The following C1QL1 variants were observed in gnomAD, a reference collection of about 807,000 sequenced individuals.
The protein encoded by C1QL1 is complement C1q like 1, also known as C1q-related factor.
A neutral mutation model predicts 14.2 loss-of-function variants in C1QL1; 15 were observed. The ratio of observed to expected loss-of-function variants is 1.06; its 90% CI spans 0.71 to 1.62. The LOEUF is 1.62. C1QL1 is among the 40% of genes most tolerant of loss of function. The probability of loss-of-function intolerance (pLI) is 0.00; values close to 1 mark genes in which losing one functional copy is unlikely to be tolerated. For missense variants in C1QL1, 346 were observed against 380.3 expected (o/e 0.91, Z 0.75); for synonymous variants, 172 against 172.4 (o/e 1.00, Z 0.02).
chr17:44,963,348 T>TAA lies in C1QL1; in HGVS notation c.598-2982_598-2981insTT, dbSNP rs537549179. On this transcript the variant is annotated intron_variant, in intron 1 of 1. Coordinates refer to ENST00000253407, the MANE Select transcript of C1QL1 (RefSeq NM_006688.5). The stretch of plus-strand genomic sequence containing the variant: ...CTGTGCCAGGCACTGTGCTCTGTGT[T>TAA]GTGAAAGGTATTAGGGGCCAGAAAG... Among the ~76,000 whole-genome samples, 909 of 152,214 alleles carry TAA rather than the reference T, an allele frequency of 6.0e-3. 7 individuals carry two copies. The highest frequency in any genetic ancestry group is 0.021 in the African/African-American group (877 of 41,530).
intron 1 of C1QL1, among the ~76,000 whole-genome samples, chr17:44,961,615 G>A (rs1313655185): frequency 6.0e-5 from 9 of 149,154 alleles, no homozygotes; most frequent in East Asian, 2.0e-4. Context: ...GGCCAGGCGC[G>A]GTGGCTCACG....
rs1299050000 is a variant in C1QL1, at chr17:44,961,581, G to A, written c.598-1214C>T. ...CGCTCCAGCCTGGGCGACATAGTGA[G>A]ACTCAGTCTCAAAAAAAAAAAAAGG... On this transcript the variant is annotated intron_variant, in intron 1 of 1. Transcript: ENST00000253407. Among the ~76,000 whole-genome samples the A allele has an allele frequency of 5.2e-4, 63 of 120,526 alleles. 1 individual carries two copies. The South Asian group carries it at 0.017, about 32-fold the overall frequency. The allele number at this position is 120,526 out of a possible 152,430, so 79.1% of individuals were successfully genotyped here.
At chr17:44,964,961 C>A (rs887187666) in intron 1 of C1QL1, among the ~76,000 whole-genome samples, 1 of 152,004 alleles carries the variant, frequency 6.6e-6, no homozygotes, top group Admixed American at 6.6e-5. Flanking sequence ...TTGCCTCAGC[C>A]TCCTGACTAA....
chr17:44,966,437 G>A (rs932162316), intron 1 of C1QL1, among the ~76,000 whole-genome samples: 9 of 152,206 alleles, frequency 5.9e-5, no homozygotes, highest in Non-Finnish European at 8.8e-5. Context: ...CTTCTTCGAA[G>A]AGAATGCTCA....
intron 1 of C1QL1, among the ~76,000 whole-genome samples, chr17:44,961,887 C>T (rs1387189336): frequency 8.1e-5 from 10 of 123,598 alleles, no homozygotes; most frequent in South Asian, 2.6e-4. Flanking sequence ...AGCGAGACTC[C>T]GTCTCAAAAA....
In C1QL1 at chr17:44,968,141, T is replaced by A; in HGVS notation, c.-93A>T. The A allele has an allele frequency of 1.3e-6, 1 of 795,450 alleles. No homozygotes were observed. The highest frequency in any genetic ancestry group is 1.6e-6 in the Non-Finnish European group (1 of 617,342). 49.3% of individuals were successfully genotyped at this position (795,450 alleles called of 1,614,324 possible). On this transcript the variant is annotated 5_prime_UTR_variant, in exon 1 of 2. Coordinates refer to ENST00000253407, the MANE Select transcript of C1QL1 (RefSeq NM_006688.5). ...CCCGGCCGCGCCGTCGGGGCAATGG[T>A]GCCGGCGGGCAGGGGGCGCGGGCTA...
At chr17:44,962,408 G>C (rs1399303753) in intron 1 of C1QL1, among the ~76,000 whole-genome samples, 1 of 152,180 alleles carries the variant, frequency 6.6e-6, no homozygotes, top group African/African-American at 2.4e-5. Context: ...GAAACTCTTT[G>C]TGTGCTTAGC....
chr17:44,960,119 T>G lies in C1QL1; in HGVS notation c.*69A>C. ...AGCGAGCGGGTGGGCGAGGGGCGAG[T>G]CATCGTCTGCCCCGCCCGGAGGGGA... On this transcript the variant is annotated 3_prime_UTR_variant, in exon 2 of 2. Transcript: ENST00000253407. The G allele has an allele frequency of 7.1e-7, 1 of 1,416,704 alleles. No homozygotes were observed. The highest frequency in any genetic ancestry group is 2.3e-5 in the East Asian group (1 of 43,426). 87.8% of individuals were successfully genotyped at this position (1,416,704 alleles called of 1,614,324 possible). A position where few individuals can be genotyped will look rare whatever the true frequency, so the allele number is the denominator to read the frequency against.
chr17:44,959,952 C>T lies in C1QL1; in HGVS notation c.*236G>A, dbSNP rs2052617758. 2 of 538,556 alleles carry T rather than the reference C, an allele frequency of 3.7e-6. No individual in the cohort carries two copies. The highest frequency in any genetic ancestry group is 4.4e-5 in the South Asian group (2 of 45,494). 33.4% of individuals were successfully genotyped at this position (538,556 alleles called of 1,614,324 possible). A position where few individuals can be genotyped will look rare whatever the true frequency, so the allele number is the denominator to read the frequency against. The stretch of plus-strand genomic sequence containing the variant: ...GTACAAATATATAGCGCGGGCTGGG[C>T]GGGGGCGGTCAACCCCGGTTCCCTG... On this transcript the variant is annotated 3_prime_UTR_variant, in exon 2 of 2. Coordinates refer to ENST00000253407, the MANE Select transcript of C1QL1 (RefSeq NM_006688.5).
At chr17:44,960,432 G>C in intron 1 of C1QL1, 65 bp from the exon 2 acceptor site, 1 of 1,219,032 alleles carries the variant, frequency 8.2e-7, no homozygotes, top group Non-Finnish European at 1.2e-6. Flanking sequence ...AGGGAGGTGA[G>C]GCAGTCCCGT....
chr17:44,960,013 G>A lies in C1QL1; in HGVS notation c.*175C>T. 2 of 629,770 alleles carry A rather than the reference G, an allele frequency of 3.2e-6. No individual in the cohort carries two copies. The highest frequency in any genetic ancestry group is 5.6e-6 in the Non-Finnish European group (2 of 357,612). The allele number at this position is 629,770 out of a possible 1,614,324, so 39.0% of individuals were successfully genotyped here. A position where few individuals can be genotyped will look rare whatever the true frequency, so the allele number is the denominator to read the frequency against. On this transcript the variant is annotated 3_prime_UTR_variant, in exon 2 of 2. Transcript: ENST00000253407. ...AGGGCGCGCTGGGCCCGGCTCTGCA[G>A]CGAGCCGGTGGGAGGGCCTAGCTGT...
chr17:44,967,435 G>A lies in C1QL1; in HGVS notation c.597+17C>T. ...TGCCCTGGGCCCAGCCCAGCCCCAT[G>A]CCCCCGCCTGGCCCACCTGGCCATT... is the stretch of plus-strand genomic sequence containing the variant. On this transcript the variant is annotated intron_variant, in intron 1 of 1. Coordinates refer to ENST00000253407, the MANE Select transcript of C1QL1 (RefSeq NM_006688.5). This position sits in a 1 kb window ranked among gnomAD's most constrained non-coding sequence, Gnocchi z 7.0. 6.2e-7 allele frequency: 1 copy of A among 1,610,702 alleles called. No homozygotes were observed. Among genetic ancestry groups the A allele is most frequent in the Non-Finnish European group, 8.5e-7 (1 of 1,178,632 alleles).
Position 44,967,724 on chromosome 17 carries a change from C to G in C1QL1, c.325G>C (p.Gly109Arg). 1.9e-6 allele frequency: 3 copies of G among 1,606,076 alleles called. No individual in the cohort carries two copies. In the Middle Eastern group the frequency reaches 5.3e-4, roughly 285 times the overall value. The change falls in exon 1 of 2, where the codon GGG (glycine) becomes CGG (arginine). Residue 109 changes from glycine (G) to arginine (R), a missense_variant. Coordinates refer to ENST00000253407, the MANE Select transcript of C1QL1 (RefSeq NM_006688.5). The surrounding 1 kb of genome is among the most constrained non-coding windows in gnomAD (Gnocchi z 7.0). ...CCGCTGCCCCCCGCGCCCGGCAGCC[C>G]CGGAGGGCCCGGCTTGCCTGGCTCA... ...KGEPGKPGPPGLPGAGGSGAI... is the reference protein window; with the variant it reads ...KGEPGKPGPPRLPGAGGSGAI...
Position 44,967,417 on chromosome 17 carries a change from G to C in C1QL1, c.597+35C>G. 3 of 1,601,824 alleles carry C rather than the reference G, an allele frequency of 1.9e-6. No homozygotes were observed. Among genetic ancestry groups the C allele is most frequent in the Non-Finnish European group, 2.6e-6 (3 of 1,173,872 alleles). On this transcript the variant is annotated intron_variant, in intron 1 of 1. Coordinates refer to ENST00000253407, the MANE Select transcript of C1QL1 (RefSeq NM_006688.5). The surrounding 1 kb of genome is among the most constrained non-coding windows in gnomAD (Gnocchi z 7.0). The stretch of plus-strand genomic sequence containing the variant: ...TGCCCCGGGCTCCCTGGGTGCCCTG[G>C]GCCCAGCCCAGCCCCATGCCCCCGC...
rs2052620484 is a variant in C1QL1 at position 44,960,305 on chromosome 17, C to G, written c.660G>C (p.Val220=). ...CGTCGCCGGCGTCCAGGTGCAGGAT[C>G]ACGCTGTTGCTGGCGTAGTCGTAGT... ...DQNYDYASNS[V]ILHLDAGDEV... Residue 220 remains valine (V), a synonymous_variant, in exon 2 of 2, where the codon GTG becomes GTC. Coordinates refer to ENST00000253407, the MANE Select transcript of C1QL1 (RefSeq NM_006688.5). 1 of 1,614,066 alleles carries G rather than the reference C, an allele frequency of 6.2e-7. No individual in the cohort carries two copies. Among genetic ancestry groups the G allele is most frequent in the African/African-American group, 1.3e-5 (1 of 74,932 alleles).
Position 44,967,851 on chromosome 17 carries a change from C to G in C1QL1, c.198G>C (p.Gln66His). 3.0e-6 allele frequency: 4 copies of G among 1,345,574 alleles called. No homozygotes were observed. In the South Asian group the frequency reaches 7.8e-5, roughly 26 times the overall value. The allele number at this position is 1,345,574 out of a possible 1,614,324, so 83.4% of individuals were successfully genotyped here. ...TGCGGCCCGGCTTCCCCTGGGGGCC[C>G]TGCACCAGCGTGGAAGGCGGGGGCG... ...SGAPPPSTLV[Q>H]GPQGKPGRTG... The change falls in exon 1 of 2, where the codon CAG becomes CAC. Residue 66 changes from glutamine (Q) to histidine (H), a missense_variant. By Grantham distance (24) the Gln-to-His change is conservative. Coordinates refer to ENST00000253407, the MANE Select transcript of C1QL1 (RefSeq NM_006688.5). This position sits in a 1 kb window ranked among gnomAD's most constrained non-coding sequence, Gnocchi z 7.0.
rs1597908567 is a variant in C1QL1 at position 44,960,287 on chromosome 17, G to T, written c.678C>A (p.Ala226=). 1 of 1,614,152 alleles carries T rather than the reference G, an allele frequency of 6.2e-7. No individual in the cohort carries two copies. The highest frequency in any genetic ancestry group is 2.2e-5 in the East Asian group (1 of 44,872). Reference sequence around the variant, plus strand: ...CCAGCTTGATGAAGACCTCGTCGCCGGCGTCCAGGTGCAGGATCACGCTGT... The same window carrying T: ...CCAGCTTGATGAAGACCTCGTCGCCTGCGTCCAGGTGCAGGATCACGCTGT... ...ASNSVILHLD[A]GDEVFIKLDG... Residue 226 remains alanine, a synonymous_variant, in exon 2 of 2, where the codon GCC becomes GCA. Transcript: ENST00000253407.
In C1QL1 at chr17:44,963,920, G is replaced by A. The variant is rs548833457; in HGVS notation, c.597+3532C>T. Reference sequence around the variant, plus strand: ...CCCCTGCCCAGTTTATTAATTTTGTGTCCTCTCCAACCCACCTGAACTGTG... The same window carrying A: ...CCCCTGCCCAGTTTATTAATTTTGTATCCTCTCCAACCCACCTGAACTGTG... On this transcript the variant is annotated intron_variant, in intron 1 of 1. Coordinates refer to ENST00000253407, the MANE Select transcript of C1QL1 (RefSeq NM_006688.5). 6.6e-5 allele frequency among the ~76,000 whole-genome samples: 10 copies of A among 152,222 alleles called. No individual in the cohort carries two copies. In the South Asian group the frequency reaches 2.1e-3, roughly 32 times the overall value.
In C1QL1 at chr17:44,968,107, G is replaced by T; in HGVS notation, c.-59C>A. ...TCGGCCCGCGCGGAGCCTGGGGAGC[G>T]CCGGGCCGCCCGGCCGCGCCGTCGG... On this transcript the variant is annotated 5_prime_UTR_variant, in exon 1 of 2. Coordinates refer to ENST00000253407, the MANE Select transcript of C1QL1 (RefSeq NM_006688.5). The T allele has an allele frequency of 1.8e-6, 2 of 1,107,606 alleles. No homozygotes were observed. Among genetic ancestry groups the T allele is most frequent in the Non-Finnish European group, 1.1e-6 (1 of 886,018 alleles). 68.6% of individuals were successfully genotyped at this position (1,107,606 alleles called of 1,614,324 possible).
Sources: gnomAD v4.1 joint callset for allele counts (sites outside exome capture counted in the v4.1 genomes callset) on GRCh38, gnomAD v4.1.1 for gene constraint, Gnocchi (gnomAD v3.1) non-coding constraint, MANE v1.5 for transcripts, NCBI Gene and HGNC (gene_info 2026-07-23, HGNC 2026-07-21) for gene names.